Variants in NCAM1 observed in about 807,000 individuals in gnomAD.
NCAM1 encodes the protein neural cell adhesion molecule 1, also known as antigen recognized by monoclonal antibody 5.1H11.
Under a neutral mutation model 109.8 loss-of-function variants are expected in NCAM1, and 14 were observed. The ratio of observed to expected loss-of-function variants is 0.13; its 90% CI spans 0.08 to 0.20. The LOEUF is 0.20. Ranked by LOEUF, NCAM1 falls within the 10% of genes least tolerant of loss-of-function variation. NCAM1 has a pLI of 1.00. For synonymous variants in NCAM1, 418 were observed against 442.9 expected, an observed-to-expected ratio of 0.94 and a Z score of 0.70; for missense variants, 774 against 1,109.9, an observed-to-expected ratio of 0.70 and a Z score of 4.30.
chr11:113,255,974 C>T lies in NCAM1; in HGVS notation c.1926C>T (p.Ile642=), dbSNP rs781988213. 7.5e-6 allele frequency: 12 copies of T among 1,604,254 alleles called. No individual in the cohort carries two copies. Among genetic ancestry groups the T allele is most frequent in the Admixed American group, 5.1e-5 (3 of 58,866 alleles). ...LIKQDDGGSP[I]RHYLVRYRAL... ...AGCAGGATGACGGCGGCTCCCCCAT[C>T]AGACACTATCTGGTCAGGTACCGAG... The change falls in exon 16 of 20, where the codon ATC becomes ATT. Residue 642 remains isoleucine, a synonymous_variant. Coordinates refer to ENST00000316851, the MANE Select transcript of NCAM1 (RefSeq NM_181351.5).
chr11:112,962,709 G>A lies in NCAM1; in HGVS notation c.52+1045G>A, dbSNP rs1040817114. 3.3e-5 allele frequency among the ~76,000 whole-genome samples: 5 copies of A among 151,924 alleles called. No individual in the cohort carries two copies. The highest frequency in any genetic ancestry group is 7.4e-5 in the Non-Finnish European group (5 of 67,968). ...ATTTCATTTTGGCTATTTCCATCCCGGCCTCCCTGGAAAATTCTTCTGTGC... is the reference window on the plus strand; with the variant it reads ...ATTTCATTTTGGCTATTTCCATCCCAGCCTCCCTGGAAAATTCTTCTGTGC... On this transcript the variant is annotated intron_variant, in intron 1 of 19. Coordinates refer to ENST00000316851, the MANE Select transcript of NCAM1 (RefSeq NM_181351.5). This position sits in a 1 kb window ranked among gnomAD's most constrained non-coding sequence, Gnocchi z 5.6.
At chr11:113,069,769 A>G (rs1555084934) in intron 1 of NCAM1, among the ~76,000 whole-genome samples, 1 of 152,174 alleles carries the variant, frequency 6.6e-6, no homozygotes, top group Non-Finnish European at 1.5e-5. Context: ...GAGACAGTCT[A>G]TTGCTGGCAT....
chr11:113,271,717 C>A, intron 18 of NCAM1, 43 bp from the exon 19 acceptor site: 2 of 1,474,792 alleles, frequency 1.4e-6, no homozygotes, highest in Non-Finnish European at 1.8e-6. Context: ...GAGCCCCTCC[C>A]TGCAGCTGCC....
chr11:113,161,391 T>C (rs1178399641), intron 1 of NCAM1, among the ~76,000 whole-genome samples: 1 of 152,210 alleles, frequency 6.6e-6, no homozygotes. Flanking sequence ...TTCTTGTTAT[T>C]GCCAAACCCT....
intron 1 of NCAM1, among the ~76,000 whole-genome samples, chr11:113,108,958 G>T (rs563533937): frequency 6.6e-6 from 1 of 151,102 alleles, no homozygotes; most frequent in South Asian, 2.1e-4. Flanking sequence ...GCCTGGTTTC[G>T]AACTCCTGAC....
intron 9 of NCAM1, 36 bp from the exon 10 acceptor site, chr11:113,231,609 G>T: frequency 6.2e-7 from 1 of 1,604,682 alleles, no homozygotes; most frequent in South Asian, 1.1e-5. Context: ...CCTGCCTTGG[G>T]CTCTGACATG....
chr11:113,224,561 T>C (rs1944781081), intron 9 of NCAM1, among the ~76,000 whole-genome samples: 1 of 152,234 alleles, frequency 6.6e-6, no homozygotes, highest in South Asian at 2.1e-4. Context: ...TAAATGTCCC[T>C]GTCTGACAGA....
chr11:113,167,525 G>GT lies in NCAM1; in HGVS notation c.53-34840dup, dbSNP rs782039239. On this transcript the variant is annotated intron_variant, in intron 1 of 19. Coordinates refer to ENST00000316851, the MANE Select transcript of NCAM1 (RefSeq NM_181351.5). ...CGCTGTTTCTGAATGGCAGAAACGT[G>GT]TTTTTTTTTTTTTTAATTAAAAAAA... 4.2e-3 allele frequency among the ~76,000 whole-genome samples: 514 copies of GT among 121,822 alleles called. 2 individuals carry two copies. Among genetic ancestry groups the GT allele is most frequent in the Middle Eastern group, 0.013 (3 of 226 alleles). The allele number at this position is 121,822 out of a possible 152,430, so 79.9% of individuals were successfully genotyped here.
At chr11:113,165,414 A>G (rs1442174082) in intron 1 of NCAM1, among the ~76,000 whole-genome samples, 1 of 152,092 alleles carries the variant, frequency 6.6e-6, no homozygotes, top group Admixed American at 6.6e-5. Context: ...GTCTGTTTTG[A>G]TTCAGCCTCA....
At chr11:113,125,805 T>A (rs1415982618) in intron 1 of NCAM1, among the ~76,000 whole-genome samples, 1 of 152,172 alleles carries the variant, frequency 6.6e-6, no homozygotes, top group Non-Finnish European at 1.5e-5. Flanking sequence ...CAAAGTGTGA[T>A]CCTAAATCTT....
chr11:113,015,151 C>T (rs1952175733), intron 1 of NCAM1, among the ~76,000 whole-genome samples: 2 of 152,298 alleles, frequency 1.3e-5, no homozygotes, highest in South Asian at 2.1e-4. Flanking sequence ...TGCACCTCAC[C>T]CTCTCATTCC....
At chr11:113,121,383 G>A (rs1448741635) in intron 1 of NCAM1, among the ~76,000 whole-genome samples, 8 of 151,246 alleles carry the variant, frequency 5.3e-5, no homozygotes, top group Non-Finnish European at 7.4e-5. Flanking sequence ...ACTACACCCC[G>A]CTAATTTTTG....
chr11:113,048,357 G>A (rs1953344251), intron 1 of NCAM1, among the ~76,000 whole-genome samples: 1 of 152,170 alleles, frequency 6.6e-6, no homozygotes, highest in Non-Finnish European at 1.5e-5. Flanking sequence ...ATGGTTTTGT[G>A]CATCACTTGC....
intron 1 of NCAM1, among the ~76,000 whole-genome samples, chr11:113,060,787 G>A (rs1953888361): frequency 6.6e-6 from 1 of 152,092 alleles, no homozygotes; most frequent in Non-Finnish European, 1.5e-5. Flanking sequence ...GTGCCCCAAT[G>A]TTTTCCCTGG....
intron 1 of NCAM1, among the ~76,000 whole-genome samples, chr11:113,168,478 G>C (rs1942883022): frequency 6.6e-6 from 1 of 152,156 alleles, no homozygotes; most frequent in South Asian, 2.1e-4. Context: ...TCCACCTAAT[G>C]TGCCTTATGA....
intron 14 of NCAM1, among the ~76,000 whole-genome samples, chr11:113,241,139 T>A (rs45542138): frequency 2.0e-5 from 3 of 152,266 alleles, no homozygotes; most frequent in Middle Eastern, 3.4e-3. Context: ...GTGGGCTGGA[T>A]CAAAGCTCGT....
At chr11:113,040,626 A>T (rs1591273574) in intron 1 of NCAM1, among the ~76,000 whole-genome samples, 1 of 152,336 alleles carries the variant, frequency 6.6e-6, no homozygotes, top group East Asian at 1.9e-4. Context: ...TCTCATAGAA[A>T]TCAAAATAAC....
chr11:113,002,184 G>T (rs956682411), intron 1 of NCAM1, among the ~76,000 whole-genome samples: 2 of 152,198 alleles, frequency 1.3e-5, no homozygotes, highest in Non-Finnish European at 2.9e-5. Flanking sequence ...AAATGGGGGA[G>T]CAGTTGTTTC....
intron 1 of NCAM1, among the ~76,000 whole-genome samples, chr11:113,086,409 G>A (rs551691234): frequency 8.5e-4 from 129 of 152,184 alleles, no homozygotes; most frequent in Non-Finnish European, 1.7e-3. Context: ...AGTTTGCAAC[G>A]AATCTGTCTT....
Sources: gnomAD v4.1 joint callset for allele counts (sites outside exome capture counted in the v4.1 genomes callset) on GRCh38, gnomAD v4.1.1 for gene constraint, Gnocchi (gnomAD v3.1) non-coding constraint, MANE v1.5 for transcripts, NCBI Gene and HGNC (gene_info 2026-07-23, HGNC 2026-07-21) for gene names.